Variants in CASZ1 observed in about 807,000 individuals in gnomAD.
CASZ1 encodes the protein zinc finger protein castor homolog 1.
A neutral mutation model predicts 135.2 loss-of-function variants in CASZ1; 28 were observed. That is an observed-to-expected ratio of 0.21 (90% CI 0.15 to 0.28). The LOEUF (loss-of-function observed/expected upper bound fraction) is 0.28. Among genes scored for constraint, CASZ1 ranks in the 10% least tolerant of loss-of-function variants. The pLI, the probability that CASZ1 is intolerant of heterozygous loss-of-function variation, is 1.00. For synonymous variants in CASZ1, 1,068 were observed against 1,073.4 expected (o/e 0.99, Z 0.10); for missense variants, 2,161 against 2,453.3 (o/e 0.88, Z 2.52).
In CASZ1 at chr1:10,694,026, CCGG is replaced by C. The variant is rs1490931320; in HGVS notation, c.-23-117_-23-115del. The C allele has an allele frequency of 1.8e-5, 18 of 990,840 alleles. No homozygotes were observed. The highest frequency in any genetic ancestry group is 2.5e-5 in the Non-Finnish European group (17 of 691,308). 61.4% of individuals were successfully genotyped at this position (990,840 alleles called of 1,614,324 possible). A position where few individuals can be genotyped will look rare whatever the true frequency, so the allele number is the denominator to read the frequency against. On this transcript the variant is annotated intron_variant, in intron 3 of 20. Coordinates refer to ENST00000377022, the MANE Select transcript of CASZ1 (RefSeq NM_001079843.3). The surrounding 1 kb of genome is among the most constrained non-coding windows in gnomAD (Gnocchi z 6.6). ...CCCCGCCCCGCAGGAGCGGCCCGTCCCGGGCGGGCGCCGAGGCCGCGGCGGAGA... is the reference window on the plus strand; with the variant it reads ...CCCCGCCCCGCAGGAGCGGCCCGTCCGCGGGCGCCGAGGCCGCGGCGGAGA...
rs981941205 is a variant in CASZ1 at position 10,735,426 on chromosome 1, C to T, written c.-77+25275G>A. On this transcript the variant is annotated intron_variant, in intron 2 of 20. Coordinates refer to ENST00000377022, the MANE Select transcript of CASZ1 (RefSeq NM_001079843.3). This position sits in a 1 kb window ranked among gnomAD's most constrained non-coding sequence, Gnocchi z 5.1. The stretch of plus-strand genomic sequence containing the variant: ...GCTCTGGGAGGGGACGGGGGACTGG[C>T]GGAGTCAGGCGCCAGGGCTGCCTCC... 2.2e-4 allele frequency among the ~76,000 whole-genome samples: 33 copies of T among 152,112 alleles called. No individual in the cohort carries two copies. Among genetic ancestry groups the T allele is most frequent in the African/African-American group, 7.5e-4 (31 of 41,416 alleles).
intron 4 of CASZ1, among the ~76,000 whole-genome samples, chr1:10,680,977 T>C (rs545102926): frequency 4.3e-4 from 65 of 152,176 alleles, no homozygotes; most frequent in Non-Finnish European, 8.4e-4. Flanking sequence ...CTCGGCTCAC[T>C]GCAACCTCCA....
rs1487037975 is a variant in CASZ1, at chr1:10,762,212, G to C, written c.-233-1355C>G. On this transcript the variant is annotated intron_variant, in intron 1 of 20. Transcript: ENST00000377022. This position sits in a 1 kb window ranked among gnomAD's most constrained non-coding sequence, Gnocchi z 4.1. ...ACCTCGGCTGGGGCAATGCCACCGA[G>C]ACCAGCTCCCTGGGGGAGGCCATCA... Among the ~76,000 whole-genome samples, 1 of 152,004 alleles carries C rather than the reference G, an allele frequency of 6.6e-6. No homozygotes were observed. Among genetic ancestry groups the C allele is most frequent in the African/African-American group, 2.4e-5 (1 of 41,368 alleles).
rs911541342 is a variant in CASZ1, at chr1:10,697,736, A to C, written c.-23-3824T>G. 1.3e-5 allele frequency among the ~76,000 whole-genome samples: 2 copies of C among 152,210 alleles called. No individual in the cohort carries two copies. Among genetic ancestry groups the C allele is most frequent in the Non-Finnish European group, 2.9e-5 (2 of 68,048 alleles). ...TTGTAACTTTCACATAAACTTGAAC[A>C]AAGCTCCTTTTGTTATTGCACCCCA... On this transcript the variant is annotated intron_variant, in intron 3 of 20. Transcript: ENST00000377022. This position sits in a 1 kb window ranked among gnomAD's most constrained non-coding sequence, Gnocchi z 4.7.
Position 10,794,177 on chromosome 1 carries a change from G to A in CASZ1, c.-234+2387C>T, listed in dbSNP as rs1198229929. ...TGTGTGCGTGTTTGTATGTGTATGC[G>A]TGTGTGTGTGTGTGTGTGTGTGCGC... On this transcript the variant is annotated intron_variant, in intron 1 of 20. Transcript: ENST00000377022. This position sits in a 1 kb window ranked among gnomAD's most constrained non-coding sequence, Gnocchi z 5.6. Among the ~76,000 whole-genome samples the A allele has an allele frequency of 7.0e-5, 7 of 99,806 alleles. No individual in the cohort carries two copies. The highest frequency in any genetic ancestry group is 1.3e-4 in the Non-Finnish European group (7 of 55,346). 65.5% of individuals were successfully genotyped at this position (99,806 alleles called of 152,430 possible). A position where few individuals can be genotyped will look rare whatever the true frequency, so the allele number is the denominator to read the frequency against.
chr1:10,696,437 C>T (rs564090924), intron 3 of CASZ1, among the ~76,000 whole-genome samples: 36 of 152,254 alleles, frequency 2.4e-4, no homozygotes, highest in Non-Finnish European at 3.7e-4. Flanking sequence ...CTGCCCGTAC[C>T]GGGCACCCAG....
intron 1 of CASZ1, among the ~76,000 whole-genome samples, chr1:10,785,129 C>CTTCCTTCT (rs140440931): frequency 3.2e-4 from 45 of 139,232 alleles, no homozygotes; most frequent in African/African-American, 1.2e-3. Context: ...TCTTTCCTTT[C>CTTCCTTCT]TTCCTTCCTT....
At position 10,639,086 on chromosome 1, in the gene CASZ1, G is replaced by GTCGTCGTCGTCC. The variant is rs770782033; in HGVS notation, c.5124_5135dup (p.Glu1708_Asp1711dup). The GTCGTCGTCGTCC allele has an allele frequency of 5.9e-5, 62 of 1,048,786 alleles. 1 individual carries two copies. The South Asian group carries it at 1.2e-3, about 21-fold the overall frequency. The allele number at this position is 1,048,786 out of a possible 1,614,324, so 65.0% of individuals were successfully genotyped here. On this transcript the variant is annotated inframe_insertion, in exon 21 of 21. Transcript: ENST00000377022. This position sits in a 1 kb window ranked among gnomAD's most constrained non-coding sequence, Gnocchi z 4.0. ...CCTCCGAGTCGGTGCGCAGGTCCTC[G>GTCGTCGTCGTCC]TCGTCGTCGTCCTCGTCGTCGTCCT... is the stretch of plus-strand genomic sequence containing the variant.
intron 1 of CASZ1, among the ~76,000 whole-genome samples, chr1:10,790,878 T>C (rs1053505606): frequency 6.6e-6 from 1 of 151,840 alleles, no homozygotes. Context: ...TAGTAGGACA[T>C]CTAGCACATT....
In CASZ1 at chr1:10,767,287, C is replaced by G. The variant is rs1464070400; in HGVS notation, c.-233-6430G>C. Among the ~76,000 whole-genome samples the G allele has an allele frequency of 6.6e-6, 1 of 152,230 alleles. No individual in the cohort carries two copies. The highest frequency in any genetic ancestry group is 1.5e-5 in the Non-Finnish European group (1 of 68,036). ...CCCTTCCCTCTACCCAGGCAGGCAT[C>G]TCCAGAATCAGGAAGTCCCTGGAGG... On this transcript the variant is annotated intron_variant, in intron 1 of 20. Transcript: ENST00000377022. The surrounding 1 kb of genome is among the most constrained non-coding windows in gnomAD (Gnocchi z 4.2).
In CASZ1 at chr1:10,636,751, G is replaced by A. The variant is rs1285915954; in HGVS notation, c.*2191C>T. On this transcript the variant is annotated 3_prime_UTR_variant, in exon 21 of 21. Coordinates refer to ENST00000377022, the MANE Select transcript of CASZ1 (RefSeq NM_001079843.3). Reference sequence around the variant, plus strand: ...AAAAATATTCAGTTCTTAATAACCAGGTGCCGAGGAGACCAGATTCAAGTA... The same window carrying A: ...AAAAATATTCAGTTCTTAATAACCAAGTGCCGAGGAGACCAGATTCAAGTA... The A allele has an allele frequency of 1.3e-5, 2 of 151,970 alleles. No individual in the cohort carries two copies. Among genetic ancestry groups the A allele is most frequent in the Non-Finnish European group, 2.9e-5 (2 of 67,990 alleles). 9.4% of individuals were successfully genotyped at this position (151,970 alleles called of 1,614,324 possible).
rs949168101 is a variant in CASZ1 at position 10,706,241 on chromosome 1, C to A, written c.-76-697G>T. Among the ~76,000 whole-genome samples the A allele has an allele frequency of 2.0e-5, 3 of 152,226 alleles. No individual in the cohort carries two copies. The highest frequency in any genetic ancestry group is 1.3e-4 in the Admixed American group (2 of 15,292). On this transcript the variant is annotated intron_variant, in intron 2 of 20. Coordinates refer to ENST00000377022, the MANE Select transcript of CASZ1 (RefSeq NM_001079843.3). This position sits in a 1 kb window ranked among gnomAD's most constrained non-coding sequence, Gnocchi z 4.3. ...CCAACACGCGGCCTGGCCCAGCGTG[C>A]CAGGCTGGGGCCCTCCTGCCCAGAT...
chr1:10,642,796 C>G, intron 20 of CASZ1, 63 bp downstream of exon 20: 12 of 1,573,450 alleles, frequency 7.6e-6, no homozygotes, highest in Non-Finnish European at 1.0e-5. Flanking sequence ...CAAGCTGCAC[C>G]CAGCGGTGCT....
At chr1:10,716,797 C>T (rs115336696) in intron 2 of CASZ1, among the ~76,000 whole-genome samples, 1,560 of 152,330 alleles carry the variant, frequency 0.01, 26 homozygotes, top group African/African-American at 0.036. Context: ...GGCTGAGACC[C>T]GGCCCTGAGC....
chr1:10,671,286 A>C (rs934079224), intron 4 of CASZ1, among the ~76,000 whole-genome samples: 4 of 152,156 alleles, frequency 2.6e-5, no homozygotes, highest in Non-Finnish European at 5.9e-5. Context: ...TAAAACACAC[A>C]CACTGAGCAA....
chr1:10,775,876 ACT>A (rs1484426675), intron 1 of CASZ1, among the ~76,000 whole-genome samples: 1 of 151,678 alleles, frequency 6.6e-6, no homozygotes, highest in Non-Finnish European at 1.5e-5. Context: ...TGCCTGACAC[ACT>A]CTCAACCAGC....
chr1:10,675,487 G>A (rs1042179467), intron 4 of CASZ1, among the ~76,000 whole-genome samples: 2 of 152,160 alleles, frequency 1.3e-5, no homozygotes, highest in Non-Finnish European at 2.9e-5. Flanking sequence ...GAGGCTTCAA[G>A]AGGGGTGAGG....
At chr1:10,698,694 G>T (rs1638996046) in intron 3 of CASZ1, among the ~76,000 whole-genome samples, 1 of 152,178 alleles carries the variant, frequency 6.6e-6, no homozygotes, top group African/African-American at 2.4e-5. Context: ...GAGGGTCCCT[G>T]GCAGGGGAGG....
At position 10,721,553 on chromosome 1, in the gene CASZ1, T is replaced by A. The variant is rs376155666; in HGVS notation, c.-76-16009A>T. ...GCAGGGAGCTTGAAACCAGGACTGG[T>A]TCCATGCGGGCATCAAGGAGAAACA... On this transcript the variant is annotated intron_variant, in intron 2 of 20. Transcript: ENST00000377022. The surrounding 1 kb of genome is among the most constrained non-coding windows in gnomAD (Gnocchi z 5.4). Among the ~76,000 whole-genome samples, 6 of 152,094 alleles carry A rather than the reference T, an allele frequency of 3.9e-5. No homozygotes were observed. The South Asian group carries it at 1.0e-3, about 26-fold the overall frequency.
Sources: allele counts gnomAD v4.1 joint callset (sites outside exome capture counted in the v4.1 genomes callset), GRCh38; gene constraint gnomAD v4.1.1; non-coding constraint Gnocchi (gnomAD v3.1); transcripts MANE v1.5; gene names NCBI Gene and HGNC (gene_info 2026-07-23, HGNC 2026-07-21).